Variants in GALNT14 observed in about 807,000 individuals in gnomAD.
GALNT14 encodes polypeptide N-acetylgalactosaminyltransferase 14.
A neutral mutation model predicts 77.5 loss-of-function variants in GALNT14; 60 were observed. The ratio of observed to expected loss-of-function variants is 0.77; its 90% CI spans 0.63 to 0.96. The LOEUF is 0.96. Among genes scored for constraint, GALNT14 ranks in the 40% least tolerant of loss-of-function variants. The probability of loss-of-function intolerance (pLI) is 0.00; values close to 1 mark genes in which losing one functional copy is unlikely to be tolerated. For synonymous variants in GALNT14, 280 were observed against 281.7 expected, an observed-to-expected ratio of 0.99 and a Z score of 0.06; for missense variants, 710 against 731.0, an observed-to-expected ratio of 0.97 and a Z score of 0.33.
intron 2 of GALNT14, among the ~76,000 whole-genome samples, chr2:30,969,147 G>T (rs747691943): frequency 1.5e-4 from 23 of 152,206 alleles, no homozygotes; most frequent in Non-Finnish European, 2.8e-4. Flanking sequence ...GCTCAGCAGA[G>T]CCTCCTGGTC....
intron 1 of GALNT14, chr2:31,132,630 C>G (rs1467711032): frequency 4.4e-6 from 2 of 450,558 alleles, no homozygotes; most frequent in Non-Finnish European, 9.2e-6. Context: ...GAGAACTGAC[C>G]TAACAGACTC....
chr2:31,028,974 G>T (rs990271358), intron 1 of GALNT14, among the ~76,000 whole-genome samples: 1 of 152,162 alleles, frequency 6.6e-6, no homozygotes, highest in Non-Finnish European at 1.5e-5. Context: ...GAGGGCTAGG[G>T]ATGAGAACAT....
chr2:30,933,759 G>A (rs1354076913), intron 9 of GALNT14, among the ~76,000 whole-genome samples: 1 of 152,228 alleles, frequency 6.6e-6, no homozygotes, highest in Non-Finnish European at 1.5e-5. Context: ...GCCCAAGTCC[G>A]CAGTAACCAG....
At chr2:30,941,180 G>A (rs948459272) in intron 9 of GALNT14, among the ~76,000 whole-genome samples, 9 of 152,164 alleles carry the variant, frequency 5.9e-5, no homozygotes, top group Non-Finnish European at 1.2e-4. Context: ...CATGTGCCAC[G>A]GTACCCAGAG....
chr2:31,044,094 C>T (rs1412217562), intron 1 of GALNT14, among the ~76,000 whole-genome samples: 2 of 152,168 alleles, frequency 1.3e-5, no homozygotes, highest in Non-Finnish European at 2.9e-5. Context: ...TTTAATCATC[C>T]AAAGATCAAC....
chr2:31,108,298 C>A (rs912501924), intron 1 of GALNT14, among the ~76,000 whole-genome samples: 1 of 152,204 alleles, frequency 6.6e-6, no homozygotes, highest in Non-Finnish European at 1.5e-5. Context: ...ATAGAAGTGG[C>A]AGATGGAAAC....
At position 31,131,227 on chromosome 2, in the gene GALNT14, C is replaced by A. The variant is rs1435619409; in HGVS notation, c.129+6731G>T. On this transcript the variant is annotated intron_variant, in intron 1 of 14. Coordinates refer to ENST00000349752, the MANE Select transcript of GALNT14 (RefSeq NM_024572.4). ...ATGATGGGAGCTAGAGAAGGTGGGA[C>A]TCTCTCTATCTCCTGCCGCTTGTGT... is the stretch of plus-strand genomic sequence containing the variant. Among the ~76,000 whole-genome samples, 5 of 152,098 alleles carry A rather than the reference C, an allele frequency of 3.3e-5. No homozygotes were observed. The East Asian group carries it at 9.6e-4, about 29-fold the overall frequency.
intron 1 of GALNT14, among the ~76,000 whole-genome samples, chr2:31,063,483 T>C (rs112884712): frequency 0.2 from 30,919 of 152,140 alleles, 3,286 homozygotes; most frequent in Middle Eastern, 0.28. Flanking sequence ...TAGTTTGAAG[T>C]CAGGTAGTGT....
chr2:30,909,466 T>C (rs1192733900), downstream of GALNT14, among the ~76,000 whole-genome samples: 7 of 151,572 alleles, frequency 4.6e-5, no homozygotes, highest in African/African-American at 1.7e-4. Flanking sequence ...AAAATGCTCA[T>C]CATCACTGGC....
intron 3 of GALNT14, among the ~76,000 whole-genome samples, chr2:30,963,925 T>C (rs529361979): frequency 1.3e-5 from 2 of 152,354 alleles, no homozygotes; most frequent in South Asian, 4.1e-4. Flanking sequence ...TTGGTTAGGA[T>C]ACTGAGCCAT....
intron 1 of GALNT14, among the ~76,000 whole-genome samples, chr2:31,110,586 T>C (rs1237318951): frequency 6.6e-6 from 1 of 152,148 alleles, no homozygotes; most frequent in Non-Finnish European, 1.5e-5. Context: ...ATGTCAGCCT[T>C]CCTATGTCCT....
the GALNT14 span, among the ~76,000 whole-genome samples, chr2:30,890,116 A>C: frequency 3.9e-5 from 6 of 152,126 alleles, no homozygotes; most frequent in Admixed American, 3.9e-4. Flanking sequence ...GATTTGCCAC[A>C]TTTCACCCAC....
chr2:31,095,854 T>C (rs1438995938), intron 1 of GALNT14, among the ~76,000 whole-genome samples: 1 of 152,184 alleles, frequency 6.6e-6, no homozygotes, highest in Non-Finnish European at 1.5e-5. Context: ...ATCACTACTA[T>C]AGCAAATCAC....
chr2:31,101,420 C>G (rs1677267542), intron 1 of GALNT14, among the ~76,000 whole-genome samples: 1 of 151,934 alleles, frequency 6.6e-6, no homozygotes, highest in East Asian at 1.9e-4. Context: ...TTTCTATGCT[C>G]TAGAACAGAG....
chr2:30,891,713 C>A, the GALNT14 span, among the ~76,000 whole-genome samples: 1 of 152,144 alleles, frequency 6.6e-6, no homozygotes, highest in Non-Finnish European at 1.5e-5. Flanking sequence ...GGTTTTGAAT[C>A]ATGCCCCTTG....
chr2:30,945,836 A>G lies in GALNT14; in HGVS notation c.689T>C (p.Ile230Thr), dbSNP rs759630434. 4 of 1,614,168 alleles carry G rather than the reference A, an allele frequency of 2.5e-6. No homozygotes were observed. Among genetic ancestry groups the G allele is most frequent in the Admixed American group, 3.3e-5 (2 of 60,028 alleles). The change falls in exon 7 of 15, where the codon ATC becomes ACC. Residue 230 changes from isoleucine (I) to threonine (T), a missense_variant. By Grantham distance (89) the Ile-to-Thr change is moderately conservative. Transcript: ENST00000349752. ...YTRVVCPVID[I>T]INLDTFTYIE... The stretch of plus-strand genomic sequence containing the variant: ...GTAGGTGAAGGTGTCCAGGTTAATG[A>G]TATCGATCACAGGGCACACCACCCG...
intron 1 of GALNT14, among the ~76,000 whole-genome samples, chr2:31,062,114 T>C (rs567858110): frequency 1.3e-5 from 2 of 152,342 alleles, no homozygotes; most frequent in African/African-American, 4.8e-5. Context: ...GTTACATAGG[T>C]ATACATGTGC....
chr2:30,974,063 T>C (rs1232632623), intron 2 of GALNT14, among the ~76,000 whole-genome samples: 1 of 152,128 alleles, frequency 6.6e-6, no homozygotes, highest in East Asian at 1.9e-4. Context: ...CTGATGAGCA[T>C]CTTCTCTTGA....
chr2:31,038,552 C>T (rs1262471245), intron 1 of GALNT14, among the ~76,000 whole-genome samples: 3 of 148,812 alleles, frequency 2.0e-5, no homozygotes, highest in East Asian at 2.1e-4. Context: ...TGGAGTTTGG[C>T]GTTGGCCGGG....
Sources: allele counts gnomAD v4.1 joint callset (sites outside exome capture counted in the v4.1 genomes callset), GRCh38; gene constraint gnomAD v4.1.1; transcripts MANE v1.5; gene names NCBI Gene and HGNC (gene_info 2026-07-23, HGNC 2026-07-21).